GLI2: variants seen among roughly 807,000 people sequenced by gnomAD.
The protein encoded by GLI2 is transcription activator GLI2.
Under a neutral mutation model 78.9 loss-of-function variants are expected in GLI2, and 22 were observed. That is an observed-to-expected ratio of 0.28 (90% CI 0.20 to 0.40). The LOEUF is 0.40. GLI2 is among the 10% of genes least tolerant of loss of function. The pLI, the probability that GLI2 is intolerant of heterozygous loss-of-function variation, is 1.00. For synonymous variants in GLI2, 974 were observed against 963.7 expected, an observed-to-expected ratio of 1.01 and a Z score of -0.20; for missense variants, 2,097 against 2,213.2, an observed-to-expected ratio of 0.95 and a Z score of 1.05.
At chr2:120,927,145 T>C (rs545833369) in intron 2 of GLI2, among the ~76,000 whole-genome samples, 471 of 152,304 alleles carry the variant, frequency 3.1e-3, no homozygotes, top group Non-Finnish European at 4.6e-3. Context: ...AAGAGCGCAG[T>C]TGGGGATCTT....
intron 1 of GLI2, among the ~76,000 whole-genome samples, chr2:120,759,715 A>G (rs1683157234): frequency 6.6e-6 from 1 of 152,060 alleles, no homozygotes; most frequent in East Asian, 1.9e-4. Context: ...GCCATTGGTG[A>G]TCAACTTAAC....
At chr2:120,953,663 C>A (rs796183646) in intron 4 of GLI2, among the ~76,000 whole-genome samples, 1 of 152,164 alleles carries the variant, frequency 6.6e-6, no homozygotes, top group Admixed American at 6.5e-5. Flanking sequence ...GAAGCAGAGA[C>A]GCTGTATTCC....
chr2:120,974,741 C>G (rs772808170), intron 8 of GLI2, among the ~76,000 whole-genome samples: 1 of 152,070 alleles, frequency 6.6e-6, no homozygotes, highest in South Asian at 2.1e-4. Flanking sequence ...GAGCTGTGGG[C>G]GGGGCTGAGT....
intron 1 of GLI2, among the ~76,000 whole-genome samples, chr2:120,774,761 A>T (rs919667926): frequency 4.6e-5 from 7 of 151,950 alleles, no homozygotes; most frequent in African/African-American, 7.3e-5. Flanking sequence ...CACAGTCCTC[A>T]CCACTCCCTA....
chr2:120,879,317 G>A (rs1049670458), intron 2 of GLI2, among the ~76,000 whole-genome samples: 5 of 152,220 alleles, frequency 3.3e-5, no homozygotes, highest in African/African-American at 1.2e-4. Context: ...CTGAGTGTTG[G>A]GAAGGGCTGG....
intron 2 of GLI2, among the ~76,000 whole-genome samples, chr2:120,840,564 T>G (rs1168069971): frequency 1.3e-5 from 2 of 152,210 alleles, no homozygotes; most frequent in African/African-American, 4.8e-5. Context: ...AGATCAATTT[T>G]GTATTCTTTT....
chr2:120,842,837 GTTAGAC>G (rs1686950671), intron 2 of GLI2, among the ~76,000 whole-genome samples: 1 of 152,202 alleles, frequency 6.6e-6, no homozygotes, highest in Non-Finnish European at 1.5e-5. Context: ...AGTTTTATTT[GTTAGAC>G]TTACAGACCA....
intron 2 of GLI2, among the ~76,000 whole-genome samples, chr2:120,860,809 T>A (rs1217316054): frequency 6.6e-6 from 1 of 152,092 alleles, no homozygotes; most frequent in African/African-American, 2.4e-5. Context: ...AGACACATGG[T>A]GATGAGGAAG....
At chr2:120,936,050 G>A (rs541468747) in intron 3 of GLI2, among the ~76,000 whole-genome samples, 2 of 152,084 alleles carry the variant, frequency 1.3e-5, no homozygotes, top group African/African-American at 2.4e-5. Context: ...TGAACTATTC[G>A]GTTCCTCTCC....
At position 120,777,118 on chromosome 2, in the gene GLI2, TGA is replaced by T. The variant is rs545759607; in HGVS notation, c.-30-20169_-30-20168del. 5.9e-3 allele frequency among the ~76,000 whole-genome samples: 899 copies of T among 152,178 alleles called. 7 individuals carry two copies. Among genetic ancestry groups the T allele is most frequent in the African/African-American group, 0.02 (840 of 41,512 alleles). ...TGATTGCGTGAGTGTGTGTATGATG[TGA>T]GAGTGGATGAATGTGAGAGTGGGAA... is the stretch of plus-strand genomic sequence containing the variant. On this transcript the variant is annotated intron_variant, in intron 1 of 13. Coordinates refer to ENST00000361492, the MANE Select transcript of GLI2 (RefSeq NM_001374353.1).
chr2:120,976,494 T>C (rs1431768915), intron 9 of GLI2, among the ~76,000 whole-genome samples: 5 of 152,102 alleles, frequency 3.3e-5, no homozygotes, highest in African/African-American at 1.2e-4. Context: ...CTCTTTGGGG[T>C]AAACAAGCCC....
rs1158675381 is a variant in GLI2, at chr2:120,852,607, T to C, written c.148+55139T>C. 5.9e-5 allele frequency among the ~76,000 whole-genome samples: 9 copies of C among 152,170 alleles called. No homozygotes were observed. The East Asian group carries it at 1.7e-3, about 29-fold the overall frequency. ...CACAGACAGGGGAGGTAGCTGTTTATGTGGTTGGTTTGAGGAAGGCTTCTC... is the reference window on the plus strand; with the variant it reads ...CACAGACAGGGGAGGTAGCTGTTTACGTGGTTGGTTTGAGGAAGGCTTCTC... On this transcript the variant is annotated intron_variant, in intron 2 of 13. Transcript: ENST00000361492.
At chr2:120,778,792 A>G (rs935266955) in intron 1 of GLI2, among the ~76,000 whole-genome samples, 11 of 152,224 alleles carry the variant, frequency 7.2e-5, no homozygotes, top group African/African-American at 2.2e-4. Context: ...GCGACAGGGA[A>G]GCCACCAGGT....
chr2:120,746,689 A>T (rs1682702462), intron 1 of GLI2, among the ~76,000 whole-genome samples: 1 of 152,250 alleles, frequency 6.6e-6, no homozygotes, highest in Non-Finnish European at 1.5e-5. Context: ...AAAAAGCCGC[A>T]AAACATTATT....
chr2:120,810,386 G>T (rs1307776488), intron 2 of GLI2, among the ~76,000 whole-genome samples: 1 of 152,218 alleles, frequency 6.6e-6, no homozygotes, highest in Non-Finnish European at 1.5e-5. Context: ...ACCAGCTTTG[G>T]CATGGTGTGG....
chr2:120,945,183 C>T (rs1423667154), intron 3 of GLI2, among the ~76,000 whole-genome samples: 2 of 152,230 alleles, frequency 1.3e-5, no homozygotes, highest in African/African-American at 2.4e-5. Context: ...GAACCAACAT[C>T]GGGAAGAAGC....
Position 120,982,814 on chromosome 2 carries a change from C to A in GLI2, c.1566C>A (p.Gly522=). The A allele has an allele frequency of 6.2e-7, 1 of 1,614,170 alleles. No individual in the cohort carries two copies. Among genetic ancestry groups the A allele is most frequent in the Non-Finnish European group, 8.5e-7 (1 of 1,180,006 alleles). ...AGCCATATGTGTGTGAGCACGAGGG[C>A]TGCAACAAAGCCTTCTCCAACGCCT... ...GEKPYVCEHE[G]CNKAFSNASD... The change falls in exon 11 of 14, where the codon GGC becomes GGA. Residue 522 remains glycine (G), a synonymous_variant. Transcript: ENST00000361492.
Position 120,736,062 on chromosome 2 carries a change from C to T in GLI2, c.-254C>T, listed in dbSNP as rs982549740. 6.6e-6 allele frequency among the ~76,000 whole-genome samples: 1 copy of T among 151,342 alleles called. No individual in the cohort carries two copies. Among genetic ancestry groups the T allele is most frequent in the Non-Finnish European group, 1.5e-5 (1 of 67,800 alleles). On this transcript the variant is annotated 5_prime_UTR_variant, in exon 1 of 14. Transcript: ENST00000361492. The stretch of plus-strand genomic sequence containing the variant: ...GCTTGGGCCGCGCGGCGCGCCGCAG[C>T]CTCGGGGAGCCGCCTGCTCGCCGGC...
At chr2:120,851,473 C>CT (rs1373403702) in intron 2 of GLI2, among the ~76,000 whole-genome samples, 1 of 152,254 alleles carries the variant, frequency 6.6e-6, no homozygotes, top group Non-Finnish European at 1.5e-5. Context: ...TTGGGCTTGT[C>CT]TGACATGCAG....
Sources: gnomAD v4.1 joint callset for allele counts (sites outside exome capture counted in the v4.1 genomes callset) on GRCh38, gnomAD v4.1.1 for gene constraint, MANE v1.5 for transcripts, NCBI Gene and HGNC (gene_info 2026-07-23, HGNC 2026-07-21) for gene names.